RAB3GAP1: variants seen among roughly 807,000 people sequenced by gnomAD.
RAB3GAP1 encodes the protein rab3 GTPase-activating protein catalytic subunit.
A neutral mutation model predicts 130.7 loss-of-function variants in RAB3GAP1; 86 were observed. The observed-to-expected ratio is 0.66, with a 90% CI of 0.55 to 0.79. The LOEUF is 0.79. Ranked by LOEUF, RAB3GAP1 falls within the 30% of genes least tolerant of loss-of-function variation. The probability of loss-of-function intolerance (pLI) is 0.00; values close to 1 mark genes in which losing one functional copy is unlikely to be tolerated. For missense variants in RAB3GAP1, 1,029 were observed against 1,169.4 expected (o/e 0.88, Z 1.75); for synonymous variants, 367 against 401.7 (o/e 0.91, Z 1.03).
At chr2:135,095,191 T>C (rs1409919259) in intron 5 of RAB3GAP1, among the ~76,000 whole-genome samples, 1 of 152,152 alleles carries the variant, frequency 6.6e-6, no homozygotes, top group Non-Finnish European at 1.5e-5. Context: ...TGGGACTACA[T>C]GTGTCCACCA....
Position 135,169,245 on chromosome 2 carries a change from G to A in RAB3GAP1, c.*464G>A, listed in dbSNP as rs1692770635. ...ATTTTGGTGGTAGCTTCTAGTCCCA[G>A]AATCTGTGTTTTTAAAATACTACAT... On this transcript the variant is annotated 3_prime_UTR_variant, in exon 24 of 24. Transcript: ENST00000264158. 1 of 235,496 alleles carries A rather than the reference G, an allele frequency of 4.2e-6. No individual in the cohort carries two copies. The highest frequency in any genetic ancestry group is 2.3e-5 in the African/African-American group (1 of 44,162). 14.6% of individuals were successfully genotyped at this position (235,496 alleles called of 1,614,324 possible).
intron 19 of RAB3GAP1, among the ~76,000 whole-genome samples, chr2:135,161,372 G>T (rs988025376): frequency 1.3e-5 from 2 of 151,778 alleles, no homozygotes; most frequent in Non-Finnish European, 2.9e-5. Context: ...AATGGTATAC[G>T]AATATCAAAA....
At chr2:135,111,142 C>A (rs1558781127) in intron 5 of RAB3GAP1, among the ~76,000 whole-genome samples, 6 of 152,034 alleles carry the variant, frequency 3.9e-5, no homozygotes, top group African/African-American at 1.4e-4. Context: ...AAATAATAAA[C>A]ATTATGAATT....
Position 135,124,245 on chromosome 2 carries a change from A to C in RAB3GAP1, c.829A>C (p.Ser277Arg). Residue 277 changes from serine (S) to arginine (R), a missense_variant and splice_region_variant, in exon 9 of 24, where the codon AGT becomes CGT. This residue lies in a region of RAB3GAP1 where 510 missense variants were observed against 532.1 expected (regional missense o/e 0.96). Transcript: ENST00000264158. ...LPFGACEDPI[S>R]ELHLATTWPH... Reference sequence around the variant, plus strand: ...ATTTGGTGCCTGCGAAGATCCTATTAGGTGAGAATTTCAACCTGTCATTTG... The same window carrying C: ...ATTTGGTGCCTGCGAAGATCCTATTCGGTGAGAATTTCAACCTGTCATTTG... The C allele has an allele frequency of 6.2e-7, 1 of 1,613,284 alleles. No homozygotes were observed. Among genetic ancestry groups the C allele is most frequent in the Non-Finnish European group, 8.5e-7 (1 of 1,179,206 alleles).
intron 3 of RAB3GAP1, among the ~76,000 whole-genome samples, chr2:135,081,432 G>GTA (rs1346891298): frequency 2.4e-4 from 34 of 140,220 alleles, no homozygotes; most frequent in East Asian, 1.7e-3. Flanking sequence ...GTGTGTATGT[G>GTA]TATATATATA....
At chr2:135,067,765 T>C (rs566074611) in intron 3 of RAB3GAP1, among the ~76,000 whole-genome samples, 1 of 152,346 alleles carries the variant, frequency 6.6e-6, no homozygotes, top group East Asian at 1.9e-4. Context: ...GTCTTGCTGT[T>C]ACCCACGCTA....
At chr2:135,062,165 C>T (rs1208746119) in intron 3 of RAB3GAP1, among the ~76,000 whole-genome samples, 3 of 152,140 alleles carry the variant, frequency 2.0e-5, no homozygotes, top group African/African-American at 2.4e-5. Context: ...CCGCCCGCCT[C>T]GGCTTCCCAA....
At chr2:135,111,928 A>G (rs1690813143) in intron 5 of RAB3GAP1, among the ~76,000 whole-genome samples, 1 of 152,268 alleles carries the variant, frequency 6.6e-6, no homozygotes, top group South Asian at 2.1e-4. Flanking sequence ...AAAAATAAAC[A>G]TTTAAATTAC....
intron 3 of RAB3GAP1, among the ~76,000 whole-genome samples, chr2:135,085,188 C>T (rs528834920): frequency 7.9e-5 from 12 of 152,038 alleles, no homozygotes; most frequent in South Asian, 4.2e-4. Flanking sequence ...TGGAGGTGCT[C>T]GTGTTGAAAC....
chr2:135,064,056 A>C (rs1689249651), intron 3 of RAB3GAP1, among the ~76,000 whole-genome samples: 1 of 152,056 alleles, frequency 6.6e-6, no homozygotes, highest in Non-Finnish European at 1.5e-5. Flanking sequence ...GTTTCTAAGG[A>C]GAAGGTAGAT....
At chr2:135,104,909 A>C (rs1690550562) in intron 5 of RAB3GAP1, among the ~76,000 whole-genome samples, 1 of 151,926 alleles carries the variant, frequency 6.6e-6, no homozygotes, top group Non-Finnish European at 1.5e-5. Flanking sequence ...AACAAACAAA[A>C]AAACAAATGG....
rs775490485 is a variant in RAB3GAP1, at chr2:135,120,906, C to T, written c.736C>T (p.Gln246Ter). The T allele has an allele frequency of 1.9e-6, 3 of 1,590,608 alleles. No homozygotes were observed. The highest frequency in any genetic ancestry group is 2.2e-5 in the South Asian group (2 of 90,554). ...LQDWQQYFWPQQPPDIDALVG... is the reference protein window; with the variant it reads ...LQDWQQYFWP ...AGATTGGCAGCAGTATTTTTGGCCTCAGCAACCTCCAGGTGAGATCATTTA... is the reference window on the plus strand; with the variant it reads ...AGATTGGCAGCAGTATTTTTGGCCTTAGCAACCTCCAGGTGAGATCATTTA... The change falls in exon 8 of 24, where the codon CAG (glutamine) becomes TAG (stop). Residue 246 changes from glutamine (Q) to a stop codon, truncating the protein, a stop_gained. Transcript: ENST00000264158. LOFTEE classifies it high-confidence loss of function.
At chr2:135,103,542 T>A (rs938610239) in intron 5 of RAB3GAP1, among the ~76,000 whole-genome samples, 2 of 152,124 alleles carry the variant, frequency 1.3e-5, no homozygotes, top group African/African-American at 4.8e-5. Context: ...GGAATTTTTT[T>A]AAAAGGCATT....
rs1363940353 is a variant in RAB3GAP1, at chr2:135,153,649, G to A, written c.2062G>A (p.Ala688Thr). 2.5e-6 allele frequency: 4 copies of A among 1,613,464 alleles called. No homozygotes were observed. The African/African-American group carries it at 4.0e-5, about 16-fold the overall frequency. ...GCTGAATTTTTTTGTCTTATTTTAG[G>A]CAGCTAATCCAGGTTGCTCCCTGGA... ...CLLSDMESFK[A>T]ANPGCSLEDF... Residue 688 changes from alanine (A) to threonine (T), a missense_variant and splice_region_variant, in exon 19 of 24, where the codon GCA becomes ACA. Physicochemically the swap from Ala to Thr is moderately conservative, Grantham distance 58. Around this residue, in one of 3 missense-constraint regions of RAB3GAP1, gnomAD observed 373 missense variants for 493.6 expected, o/e 0.76. Transcript: ENST00000264158.
intron 3 of RAB3GAP1, among the ~76,000 whole-genome samples, chr2:135,071,312 T>A (rs181184160): frequency 7.0e-4 from 106 of 152,340 alleles, no homozygotes; most frequent in Non-Finnish European, 1.4e-3. Context: ...AATATTATGC[T>A]AATCCTAATC....
chr2:135,140,160 G>A (rs1270447665), intron 17 of RAB3GAP1, among the ~76,000 whole-genome samples: 1 of 152,044 alleles, frequency 6.6e-6, no homozygotes, highest in Non-Finnish European at 1.5e-5. Flanking sequence ...TGGGTATTTG[G>A]GTTGTTTTCA....
At chr2:135,067,878 A>G (rs1689365113) in intron 3 of RAB3GAP1, among the ~76,000 whole-genome samples, 1 of 152,142 alleles carries the variant, frequency 6.6e-6, no homozygotes, top group South Asian at 2.1e-4. Context: ...CTACAGGTAC[A>G]TGCCACCATG....
chr2:135,158,089 C>T (rs1310811296), intron 19 of RAB3GAP1, among the ~76,000 whole-genome samples: 1 of 152,062 alleles, frequency 6.6e-6, no homozygotes, highest in South Asian at 2.1e-4. Context: ...TGTGGACTTA[C>T]GAGTTTTTAA....
Position 135,103,035 on chromosome 2 carries a change from A to ATTTTTTTTTTTTTTTTTTTT in RAB3GAP1, c.362+9343_362+9362dup, listed in dbSNP as rs539310402. Among the ~76,000 whole-genome samples the ATTTTTTTTTTTTTTTTTTTT allele has an allele frequency of 7.5e-4, 68 of 90,884 alleles. 14 individuals carry two copies. Among genetic ancestry groups the ATTTTTTTTTTTTTTTTTTTT allele is most frequent in the African/African-American group, 2.6e-3 (48 of 18,182 alleles). The allele number at this position is 90,884 out of a possible 152,430, so 59.6% of individuals were successfully genotyped here. The stretch of plus-strand genomic sequence containing the variant: ...AAAAAAAAAAAAAATCATTTTTGTG[A>ATTTTTTTTTTTTTTTTTTTT]TTTTTTTTTTTTTTTTTTTTGAGAC... On this transcript the variant is annotated intron_variant, in intron 5 of 23. Coordinates refer to ENST00000264158, the MANE Select transcript of RAB3GAP1 (RefSeq NM_012233.3).
Sources: allele counts gnomAD v4.1 joint callset (sites outside exome capture counted in the v4.1 genomes callset), GRCh38; gene constraint gnomAD v4.1.1; regional missense constraint gnomAD v4.1.1; transcripts MANE v1.5; gene names NCBI Gene and HGNC (gene_info 2026-07-23, HGNC 2026-07-21).